Variants in PUS7L observed in about 807,000 individuals in gnomAD.
The protein encoded by PUS7L is pseudouridine synthase 7 like.
In PUS7L, 49 loss-of-function variants were observed where a neutral mutation model predicts 51.1. The observed-to-expected ratio is 0.96, with a 90% CI of 0.76 to 1.22. The LOEUF is 1.22. PUS7L is among the 50% of genes most tolerant of loss of function. The pLI, the probability that PUS7L is intolerant of heterozygous loss-of-function variation, is 0.00. For synonymous variants in PUS7L, 277 were observed against 276.2 expected (o/e 1.00, Z -0.03); for missense variants, 828 against 820.6 (o/e 1.01, Z -0.11).
At position 43,754,531 on chromosome 12, in the gene PUS7L, T is replaced by C; in HGVS notation, c.715A>G (p.Lys239Glu). The C allele has an allele frequency of 6.2e-7, 1 of 1,612,654 alleles. No homozygotes were observed. Among genetic ancestry groups the C allele is most frequent in the African/African-American group, 1.3e-5 (1 of 74,870 alleles). ...SKFTFKPDTN[K>E]DHRKAVHHFV... Reference sequence around the variant, plus strand: ...TGGTGGACAGCTTTTCTGTGGTCTTTGTTTGTATCAGGTTTAAAGGTAAAT... The same window carrying C: ...TGGTGGACAGCTTTTCTGTGGTCTTCGTTTGTATCAGGTTTAAAGGTAAAT... The change falls in exon 2 of 9, where the codon AAA (lysine) becomes GAA (glutamate). Residue 239 changes from lysine to glutamate, a missense_variant. By Grantham distance (56) the Lys-to-Glu change is moderately conservative. Transcript: ENST00000344862.
At chr12:43,731,952 A>C (rs1369528253) in intron 7 of PUS7L, among the ~76,000 whole-genome samples, 194 bp from the exon 8 acceptor site, 1 of 152,186 alleles carries the variant, frequency 6.6e-6, no homozygotes, top group Non-Finnish European at 1.5e-5. Flanking sequence ...TCCTGCTTTA[A>C]CCACTAATCA....
In PUS7L at chr12:43,736,417, A is replaced by C. The variant is rs1473306748; in HGVS notation, c.1689T>G (p.Asp563Glu). 6.2e-7 allele frequency: 1 copy of C among 1,614,220 alleles called. No individual in the cohort carries two copies. ...GGAAATTCTCGTCATCAATGTCTTC[A>C]TCCAAACAGACCAAATCACCCTGCA... ...RVVQGDLVCL[D>E]EDIDDENFPN... The change falls in exon 7 of 9, where the codon GAT becomes GAG. Residue 563 changes from aspartate to glutamate, a missense_variant. By Grantham distance (45) the Asp-to-Glu change is conservative. Coordinates refer to ENST00000344862, the MANE Select transcript of PUS7L (RefSeq NM_031292.5).
intron 1 of PUS7L, among the ~76,000 whole-genome samples, chr12:43,756,534 A>AT (rs1938708575): frequency 6.6e-6 from 1 of 152,190 alleles, no homozygotes; most frequent in Non-Finnish European, 1.5e-5. Flanking sequence ...ACTCTGCTTC[A>AT]TTCACTGATC....
In PUS7L at chr12:43,736,621, T is replaced by C; in HGVS notation, c.1485A>G (p.Lys495=). 6.2e-7 allele frequency: 1 copy of C among 1,613,974 alleles called. No homozygotes were observed. The highest frequency in any genetic ancestry group is 8.5e-7 in the Non-Finnish European group (1 of 1,179,930). ...KGTLSLMPEF[K]VRERALLEAL... ...CCTCCAACAATGCTCTCTCACGCAC[T>C]TTGAATTCAGGCATCAATGAAAGTG... Residue 495 remains lysine (K), a synonymous_variant, in exon 7 of 9, where the codon AAA becomes AAG. Transcript: ENST00000344862.
At position 43,723,973 on chromosome 12, in the gene PUS7L, C is replaced by T. The variant is rs1031901150; in HGVS notation, c.*6403G>A. The T allele has an allele frequency of 6.6e-6, 1 of 152,004 alleles. No individual in the cohort carries two copies. Among genetic ancestry groups the T allele is most frequent in the Non-Finnish European group, 1.5e-5 (1 of 67,932 alleles). 9.4% of individuals were successfully genotyped at this position (152,004 alleles called of 1,614,324 possible). On this transcript the variant is annotated 3_prime_UTR_variant, in exon 9 of 9. Coordinates refer to ENST00000344862, the MANE Select transcript of PUS7L (RefSeq NM_031292.5). ...ATTCCCTTAAATTTCCCTCTTTGATCTTTATGCAATCTTCAGTGTTTTTAA... is the reference window on the plus strand; with the variant it reads ...ATTCCCTTAAATTTCCCTCTTTGATTTTTATGCAATCTTCAGTGTTTTTAA...
rs1399652632 is a variant in PUS7L at position 43,723,126 on chromosome 12, G to A, written c.*7250C>T. 2 of 151,942 alleles carry A rather than the reference G, an allele frequency of 1.3e-5. No individual in the cohort carries two copies. The highest frequency in any genetic ancestry group is 1.3e-4 in the Admixed American group (2 of 15,254). The allele number at this position is 151,942 out of a possible 1,614,324, so 9.4% of individuals were successfully genotyped here. A position where few individuals can be genotyped will look rare whatever the true frequency, so the allele number is the denominator to read the frequency against. ...AAAGACTAAATTTAAATAATTTCATGGCTATTCTGACTTCTTTCCATAGTA... is the reference window on the plus strand; with the variant it reads ...AAAGACTAAATTTAAATAATTTCATAGCTATTCTGACTTCTTTCCATAGTA... On this transcript the variant is annotated 3_prime_UTR_variant, in exon 9 of 9. Coordinates refer to ENST00000344862, the MANE Select transcript of PUS7L (RefSeq NM_031292.5).
chr12:43,745,031 T>C (rs1221585526), intron 4 of PUS7L, among the ~76,000 whole-genome samples: 1 of 152,226 alleles, frequency 6.6e-6, no homozygotes, highest in Non-Finnish European at 1.5e-5. Flanking sequence ...TAAAGTTTTA[T>C]TGGAACACAG....
At position 43,738,324 on chromosome 12, in the gene PUS7L, T is replaced by C; in HGVS notation, c.1430A>G (p.Tyr477Cys). 6.4e-7 allele frequency: 1 copy of C among 1,563,288 alleles called. No homozygotes were observed. The highest frequency in any genetic ancestry group is 1.1e-5 in the South Asian group (1 of 89,968). The change falls in exon 6 of 9, where the codon TAT becomes TGT. Residue 477 changes from tyrosine (Y) to cysteine (C), a missense_variant. By Grantham distance (194) the Tyr-to-Cys change is radical. Coordinates refer to ENST00000344862, the MANE Select transcript of PUS7L (RefSeq NM_031292.5). Reference protein sequence around the residue: ...LDDPVNRAKKYFLQTEDAKGT... With the variant: ...LDDPVNRAKKCFLQTEDAKGT... ...AACGTAAATACCAGTTTGAAGAAAA[T>C]ACTTCTTTGCTCTATTTACAGGATC...
At position 43,729,650 on chromosome 12, in the gene PUS7L, A is replaced by G. The variant is rs1687362425; in HGVS notation, c.*726T>C. 1 of 155,046 alleles carries G rather than the reference A, an allele frequency of 6.4e-6. No individual in the cohort carries two copies. Among genetic ancestry groups the G allele is most frequent in the South Asian group, 2.1e-4 (1 of 4,854 alleles). The allele number at this position is 155,046 out of a possible 1,614,324, so 9.6% of individuals were successfully genotyped here. ...TCAGTAACCACACACAAAAAAATCA[A>G]CAACATACTCAAAATCACTAGTAAG... On this transcript the variant is annotated 3_prime_UTR_variant, in exon 9 of 9. Coordinates refer to ENST00000344862, the MANE Select transcript of PUS7L (RefSeq NM_031292.5).
rs1425277451 is a variant in PUS7L at position 43,726,494 on chromosome 12, T to G, written c.*3882A>C. On this transcript the variant is annotated 3_prime_UTR_variant, in exon 9 of 9. Transcript: ENST00000344862. ...CTGGACAAAAGACCTAACAAAGATA[T>G]CATGACAGACTCCAAAAGCAACTGG... 9.2e-6 allele frequency: 1 copy of G among 108,678 alleles called. No homozygotes were observed. The highest frequency in any genetic ancestry group is 1.9e-5 in the Non-Finnish European group (1 of 51,680). The allele number at this position is 108,678 out of a possible 1,614,324, so 6.7% of individuals were successfully genotyped here.
chr12:43,751,568 G>A (rs1363157375), intron 2 of PUS7L, among the ~76,000 whole-genome samples: 2 of 152,144 alleles, frequency 1.3e-5, no homozygotes, highest in Admixed American at 1.3e-4. Context: ...TGGTGTGTAT[G>A]TGCCACATTT....
rs1411199667 is a variant in PUS7L, at chr12:43,736,437, C to T, written c.1669G>A (p.Gly557Ser). Residue 557 changes from glycine (G) to serine (S), a missense_variant, in exon 7 of 9, where the codon GGT (glycine) becomes AGT (serine). Coordinates refer to ENST00000344862, the MANE Select transcript of PUS7L (RefSeq NM_031292.5). ...TCTTCATCCAAACAGACCAAATCACCCTGCACTACTCTTGCTCCATAGGTT... is the reference window on the plus strand; with the variant it reads ...TCTTCATCCAAACAGACCAAATCACTCTGCACTACTCTTGCTCCATAGGTT... Reference protein sequence around the residue: ...LETYGARVVQGDLVCLDEDID... With the variant: ...LETYGARVVQSDLVCLDEDID... 1.9e-6 allele frequency: 3 copies of T among 1,614,134 alleles called. No individual in the cohort carries two copies. Among genetic ancestry groups the T allele is most frequent in the Admixed American group, 1.7e-5 (1 of 60,006 alleles).
chr12:43,730,551 A>G lies in PUS7L; in HGVS notation c.1931T>C (p.Ile644Thr). 1 of 1,613,912 alleles carries G rather than the reference A, an allele frequency of 6.2e-7. No individual in the cohort carries two copies. Among genetic ancestry groups the G allele is most frequent in the Non-Finnish European group, 8.5e-7 (1 of 1,179,868 alleles). ...KLNIPGCYRQ[I>T]LKHPCNLSYQ... ...TGAGAGATTACAGGGATGTTTCAAA[A>G]TCTGTCTATAGCAACCTGGTATATT... The change falls in exon 9 of 9, where the codon ATT becomes ACT. Residue 644 changes from isoleucine (I) to threonine (T), a missense_variant. Coordinates refer to ENST00000344862, the MANE Select transcript of PUS7L (RefSeq NM_031292.5).
intron 1 of PUS7L, chr12:43,758,392 C>A (rs1286906589): frequency 2.0e-6 from 2 of 985,406 alleles, no homozygotes; most frequent in Non-Finnish European, 2.4e-6. Flanking sequence ...TTGCTTGGCC[C>A]GTGGTTGAGG....
chr12:43,740,354 ATAGGG>A (rs1234164009), intron 5 of PUS7L, among the ~76,000 whole-genome samples: 2 of 152,186 alleles, frequency 1.3e-5, no homozygotes, highest in Non-Finnish European at 2.9e-5. Flanking sequence ...TAGGTACTGC[ATAGGG>A]TATTAGGGAC....
intron 5 of PUS7L, 51 bp downstream of exon 5, chr12:43,742,406 G>A: frequency 7.8e-7 from 1 of 1,281,978 alleles, no homozygotes; most frequent in East Asian, 2.3e-5. Context: ...GGGTTATGTA[G>A]TAAGTATAAT....
chr12:43,741,923 C>T (rs974863303), intron 5 of PUS7L, among the ~76,000 whole-genome samples: 1 of 152,018 alleles, frequency 6.6e-6, no homozygotes, highest in Admixed American at 6.6e-5. Flanking sequence ...CCATTATGTG[C>T]ACTCCATTTT....
Position 43,736,489 on chromosome 12 carries a change from C to T in PUS7L, c.1617G>A (p.Trp539Ter). 1 of 1,614,170 alleles carries T rather than the reference C, an allele frequency of 6.2e-7. No individual in the cohort carries two copies. Among genetic ancestry groups the T allele is most frequent in the Non-Finnish European group, 8.5e-7 (1 of 1,180,026 alleles). Residue 539 changes from tryptophan to a stop codon, truncating the protein, a stop_gained, in exon 7 of 9, where the codon TGG (tryptophan) becomes TGA (stop). Transcript: ENST00000344862. LOFTEE classifies it high-confidence loss of function. ...FYVHAYTSKIWNEAVSYRLET... is the reference protein window; with the variant it reads ...FYVHAYTSKI ...CAAGTCTGTAAGATACTGCCTCATT[C>T]CAAATTTTGCTGGTATATGCGTGAA...
chr12:43,758,302 G>A, intron 1 of PUS7L: 1 of 985,348 alleles, frequency 1.0e-6, no homozygotes, highest in South Asian at 4.7e-5. Context: ...GACAGCAAAG[G>A]AGCCCACGTG....
Sources: allele counts gnomAD v4.1 joint callset (sites outside exome capture counted in the v4.1 genomes callset), GRCh38; gene constraint gnomAD v4.1.1; transcripts MANE v1.5; gene names NCBI Gene and HGNC (gene_info 2026-07-23, HGNC 2026-07-21).